Variants in SYT7 observed in about 807,000 individuals in gnomAD.
SYT7 encodes synaptotagmin 7.
In SYT7, 29 loss-of-function variants were observed where a neutral mutation model predicts 75.1. The ratio of observed to expected loss-of-function variants is 0.39; its 90% CI spans 0.29 to 0.53. The LOEUF is 0.53. Among genes scored for constraint, SYT7 ranks in the 20% least tolerant of loss-of-function variants. SYT7 has a pLI of 0.77. For missense variants in SYT7, 693 were observed against 953.2 expected (o/e 0.73, Z 3.59); for synonymous variants, 376 against 401.7 (o/e 0.94, Z 0.76).
Position 61,517,037 on chromosome 11 carries a change from G to A in SYT7, c.*1590C>T, listed in dbSNP as rs1266531592. The stretch of plus-strand genomic sequence containing the variant: ...AGAGTCCCCTTCTTCTCTTTGGGGT[G>A]TCACAGGCCCATCCAGAGTGGAACT... On this transcript the variant is annotated 3_prime_UTR_variant, in exon 13 of 13. Coordinates refer to ENST00000539008, the MANE Select transcript of SYT7 (RefSeq NM_001365809.2). 2 of 384,186 alleles carry A rather than the reference G, an allele frequency of 5.2e-6. No homozygotes were observed. Among genetic ancestry groups the A allele is most frequent in the Middle Eastern group, 6.5e-4 (1 of 1,540 alleles). 23.8% of individuals were successfully genotyped at this position (384,186 alleles called of 1,614,324 possible). A position where few individuals can be genotyped will look rare whatever the true frequency, so the allele number is the denominator to read the frequency against.
chr11:61,575,019 C>T (rs2064031281), intron 1 of SYT7, among the ~76,000 whole-genome samples: 1 of 152,018 alleles, frequency 6.6e-6, no homozygotes, highest in Non-Finnish European at 1.5e-5. Context: ...GTGCATGCTC[C>T]ACCAACCAGC....
chr11:61,534,662 C>T lies in SYT7; in HGVS notation c.1065-1538G>A, dbSNP rs189625319. On this transcript the variant is annotated intron_variant, in intron 7 of 12. Transcript: ENST00000539008. Reference sequence around the variant, plus strand: ...GCACGTGAAGGGAGACAAACTGAAACGGAAAGGGCAGGGAGTGGTTTCAGG... The same window carrying T: ...GCACGTGAAGGGAGACAAACTGAAATGGAAAGGGCAGGGAGTGGTTTCAGG... Among the ~76,000 whole-genome samples, 552 of 152,332 alleles carry T rather than the reference C, an allele frequency of 3.6e-3. 2 individuals are homozygous for T. Among genetic ancestry groups the T allele is most frequent in the African/African-American group, 6.9e-3 (285 of 41,564 alleles).
At chr11:61,519,809 T>C (rs906415525) in intron 12 of SYT7, among the ~76,000 whole-genome samples, 3 of 152,102 alleles carry the variant, frequency 2.0e-5, no homozygotes, top group African/African-American at 7.2e-5. Flanking sequence ...TCAAAAATAG[T>C]GTTTTTGTTT....
At chr11:61,538,731 C>T (rs1012185154) in intron 6 of SYT7, among the ~76,000 whole-genome samples, 4 of 152,326 alleles carry the variant, frequency 2.6e-5, no homozygotes, top group Non-Finnish European at 4.4e-5. Context: ...CAGCTGGACT[C>T]GCTCTGACCA....
chr11:61,580,807 G>A lies in SYT7; in HGVS notation c.14C>T (p.Pro5Leu). 1 of 1,286,516 alleles carries A rather than the reference G, an allele frequency of 7.8e-7. No homozygotes were observed. 79.7% of individuals were successfully genotyped at this position (1,286,516 alleles called of 1,614,324 possible). A position where few individuals can be genotyped will look rare whatever the true frequency, so the allele number is the denominator to read the frequency against. Residue 5 changes from proline to leucine, a missense_variant, in exon 1 of 13, where the codon CCG becomes CTG. Physicochemically the swap from Pro to Leu is moderately conservative, Grantham distance 98 (BLOSUM62 -3). This residue lies in a region of SYT7 where 487 missense variants were observed against 593.2 expected (regional missense o/e 0.82). Transcript: ENST00000539008. The surrounding 1 kb of genome is among the most constrained non-coding windows in gnomAD (Gnocchi z 6.1). ...GCGCTTACCTGGGCTGGCCGCCTCC[G>A]GGTCCCGGTACATGGTCCCCTCGTC... is the stretch of plus-strand genomic sequence containing the variant. MYRD[P>L]EAASPGAPSR...
At chr11:61,563,223 G>A (rs781297215) in intron 1 of SYT7, among the ~76,000 whole-genome samples, 3 of 152,172 alleles carry the variant, frequency 2.0e-5, no homozygotes, top group Non-Finnish European at 4.4e-5. Context: ...GTCCTTCTGA[G>A]GCAGAGCAGT....
At chr11:61,548,584 G>A (rs530589498) in intron 3 of SYT7, among the ~76,000 whole-genome samples, 75 of 152,300 alleles carry the variant, frequency 4.9e-4, no homozygotes, top group African/African-American at 1.4e-3. Flanking sequence ...CAGGAAGAGC[G>A]CTGGGGTGGG....
chr11:61,541,075 C>T lies in SYT7; in HGVS notation c.941+1136G>A, dbSNP rs373818456. ...GGCAGGGCCTCTTCGGGTGGGGTGT[C>T]TCTCCCAGGGCAGTGCTCCCATCTG... On this transcript the variant is annotated intron_variant, in intron 6 of 12. Transcript: ENST00000539008. 193 of 985,506 alleles carry T rather than the reference C, an allele frequency of 2.0e-4. 2 individuals are homozygous for T. The East Asian group carries it at 6.6e-3, about 34-fold the overall frequency. The allele number at this position is 985,506 out of a possible 1,614,324, so 61.0% of individuals were successfully genotyped here.
intron 12 of SYT7, 61 bp from the exon 13 acceptor site, chr11:61,518,792 CA>C: frequency 7.9e-7 from 1 of 1,266,830 alleles, no homozygotes; most frequent in South Asian, 1.6e-5. Flanking sequence ...CCCTTTCCCC[CA>C]CAGGGGTGAC....
At position 61,523,971 on chromosome 11, in the gene SYT7, A is replaced by C. The variant is rs1267164644; in HGVS notation, c.1642-30T>G. 3 of 1,603,698 alleles carry C rather than the reference A, an allele frequency of 1.9e-6. No individual in the cohort carries two copies. The highest frequency in any genetic ancestry group is 2.6e-6 in the Non-Finnish European group (3 of 1,170,964). On this transcript the variant is annotated intron_variant, in intron 10 of 12. Transcript: ENST00000539008. This position sits in a 1 kb window ranked among gnomAD's most constrained non-coding sequence, Gnocchi z 5.0. ...GAGGCACGACAGGAGGGGTGTGGGG[A>C]ACTAGGCTAGCAGAGCTCTCTGATT...
chr11:61,526,293 G>T (rs1248934191), intron 9 of SYT7: 1 of 152,144 alleles, frequency 6.6e-6, no homozygotes, highest in Non-Finnish European at 1.5e-5. Flanking sequence ...ATCAATTTAG[G>T]TAAAATGCAT....
intron 7 of SYT7, 28 bp downstream of exon 7, chr11:61,538,116 C>T (rs1188008534): frequency 2.9e-5 from 45 of 1,534,134 alleles, no homozygotes; most frequent in East Asian, 4.9e-5. Context: ...CTGCCGCCGC[C>T]GCCGCAGGCC....
At position 61,518,221 on chromosome 11, in the gene SYT7, G is replaced by A. The variant is rs964684752; in HGVS notation, c.*406C>T. On this transcript the variant is annotated 3_prime_UTR_variant, in exon 13 of 13. Transcript: ENST00000539008. ...CCAAACGCCTCAGCCTCCCCTCCCC[G>A]GGTCCACATCGGGGGCTGGAGAGGG... The A allele has an allele frequency of 9.7e-5, 16 of 165,432 alleles. No individual in the cohort carries two copies. The highest frequency in any genetic ancestry group is 1.7e-4 in the Non-Finnish European group (13 of 77,008). The allele number at this position is 165,432 out of a possible 1,614,324, so 10.2% of individuals were successfully genotyped here.
At chr11:61,575,693 C>T (rs1325348874) in intron 1 of SYT7, among the ~76,000 whole-genome samples, 2 of 152,180 alleles carry the variant, frequency 1.3e-5, no homozygotes, top group African/African-American at 4.8e-5. Context: ...AGGTACAGGG[C>T]CGGGGGAGGG....
At chr11:61,527,821 A>T (rs552383920) in intron 9 of SYT7, 94 bp downstream of exon 9, 1 of 1,457,722 alleles carries the variant, frequency 6.9e-7, no homozygotes, top group South Asian at 1.2e-5. Flanking sequence ...GTGTACACAT[A>T]TGTGTCTGTG....
chr11:61,542,630 A>G lies in SYT7; in HGVS notation c.573-51T>C. 1.4e-6 allele frequency: 2 copies of G among 1,437,588 alleles called. No individual in the cohort carries two copies. The highest frequency in any genetic ancestry group is 9.1e-7 in the Non-Finnish European group (1 of 1,099,700). 89.1% of individuals were successfully genotyped at this position (1,437,588 alleles called of 1,614,324 possible). ...GAAAGGAGAAGCAGATGAAGGGATCACAGTGGAAGAGAAAGAAGCCGAGGG... is the reference window on the plus strand; with the variant it reads ...GAAAGGAGAAGCAGATGAAGGGATCGCAGTGGAAGAGAAAGAAGCCGAGGG... On this transcript the variant is annotated intron_variant, in intron 5 of 12. Transcript: ENST00000539008. This position sits in a 1 kb window ranked among gnomAD's most constrained non-coding sequence, Gnocchi z 7.8.
upstream of SYT7, among the ~76,000 whole-genome samples, chr11:61,585,479 G>A (rs1029433860): frequency 6.6e-6 from 1 of 152,168 alleles, no homozygotes; most frequent in Non-Finnish European, 1.5e-5. Context: ...GGCCAGGAGT[G>A]AGGACTTGTT....
Position 61,523,728 on chromosome 11 carries a change from G to C in SYT7, c.1756+99C>G. On this transcript the variant is annotated intron_variant, in intron 11 of 12. Coordinates refer to ENST00000539008, the MANE Select transcript of SYT7 (RefSeq NM_001365809.2). This position sits in a 1 kb window ranked among gnomAD's most constrained non-coding sequence, Gnocchi z 5.0. Reference sequence around the variant, plus strand: ...GGAGGTCGGGGTGTGGCGGGTTGGGGTGAGGACCACTGCAGACCCTGCTCT... The same window carrying C: ...GGAGGTCGGGGTGTGGCGGGTTGGGCTGAGGACCACTGCAGACCCTGCTCT... 7.9e-7 allele frequency: 1 copy of C among 1,263,764 alleles called. No homozygotes were observed. 78.3% of individuals were successfully genotyped at this position (1,263,764 alleles called of 1,614,324 possible).
intron 1 of SYT7, among the ~76,000 whole-genome samples, chr11:61,562,047 T>C (rs1282083432): frequency 6.7e-6 from 1 of 148,390 alleles, no homozygotes; most frequent in East Asian, 1.9e-4. Context: ...CACACACATA[T>C]GCACACACAC....
Sources: gnomAD v4.1 joint callset for allele counts (sites outside exome capture counted in the v4.1 genomes callset) on GRCh38, gnomAD v4.1.1 for gene constraint, gnomAD v4.1.1 regional missense constraint, Gnocchi (gnomAD v3.1) non-coding constraint, MANE v1.5 for transcripts, NCBI Gene and HGNC (gene_info 2026-07-23, HGNC 2026-07-21) for gene names.